The following DOP1B variants were observed in gnomAD, a reference collection of about 807,000 sequenced individuals.
The protein encoded by DOP1B is DOP1 leucine zipper like protein B.
In DOP1B, 174 loss-of-function variants were observed where a neutral mutation model predicts 233.5. That is an observed-to-expected ratio of 0.75 (90% CI 0.66 to 0.85). The LOEUF is 0.85. Ranked by LOEUF, DOP1B falls within the 40% of genes least tolerant of loss-of-function variation. The probability of loss-of-function intolerance (pLI) is 0.00; values close to 1 mark genes in which losing one functional copy is unlikely to be tolerated. For synonymous variants in DOP1B, 1,190 were observed against 1,185.6 expected (o/e 1.00, Z -0.08); for missense variants, 2,652 against 2,846.6 (o/e 0.93, Z 1.56).
chr21:36,281,728 C>A, intron 32 of DOP1B, 117 bp downstream of exon 32: 1 of 973,598 alleles, frequency 1.0e-6, no homozygotes, highest in Non-Finnish European at 1.4e-6. Flanking sequence ...AGTCCTATAT[C>A]CAGGGCTGGC....
intron 23 of DOP1B, among the ~76,000 whole-genome samples, chr21:36,259,012 G>A (rs542052428): frequency 1.9e-3 from 246 of 132,094 alleles, no homozygotes; most frequent in Middle Eastern, 0.01. Context: ...GTCTTGCTCT[G>A]TCGCCCAGGC....
At position 36,230,953 on chromosome 21, in the gene DOP1B, C is replaced by T. The variant is rs1397121734; in HGVS notation, c.2169C>T (p.Ala723=). Residue 723 remains alanine (A), a synonymous_variant, in exon 14 of 37, where the codon GCC becomes GCT. Coordinates refer to ENST00000691173, the MANE Select transcript of DOP1B (RefSeq NM_001320714.2). Reference sequence around the variant, plus strand: ...CATCGTCTTCGCCCAGCAGCCCTGCCAGGAAAAACGGGGGAGAATGGGATG... The same window carrying T: ...CATCGTCTTCGCCCAGCAGCCCTGCTAGGAAAAACGGGGGAGAATGGGATG... The part of the protein sequence containing the change: ...ESPSSSPSSP[A]RKNGGEWDVE... The T allele has an allele frequency of 1.2e-6, 2 of 1,614,028 alleles. No homozygotes were observed. Among genetic ancestry groups the T allele is most frequent in the African/African-American group, 2.7e-5 (2 of 74,914 alleles).
chr21:36,223,688 T>C (rs1461191290), intron 11 of DOP1B, among the ~76,000 whole-genome samples: 1 of 152,212 alleles, frequency 6.6e-6, no homozygotes, highest in Admixed American at 6.5e-5. Context: ...CAGCTTAGTT[T>C]TGTGGCTTTG....
At chr21:36,178,195 T>C (rs1021263152) in intron 2 of DOP1B, among the ~76,000 whole-genome samples, 1 of 152,134 alleles carries the variant, frequency 6.6e-6, no homozygotes, top group Non-Finnish European at 1.5e-5. Context: ...TGTGGCCTTA[T>C]AAGAATAGGA....
chr21:36,264,494 G>A (rs1470639792), intron 26 of DOP1B, among the ~76,000 whole-genome samples: 1 of 150,880 alleles, frequency 6.6e-6, no homozygotes, highest in Admixed American at 6.6e-5. Flanking sequence ...CAGGGGGTTG[G>A]ACAGAATCTC....
At chr21:36,264,753 G>T (rs936079540) in intron 26 of DOP1B, among the ~76,000 whole-genome samples, 4 of 152,006 alleles carry the variant, frequency 2.6e-5, no homozygotes, top group African/African-American at 9.7e-5. Flanking sequence ...GATTACAGAC[G>T]TGAGCTACCA....
intron 18 of DOP1B, 140 bp downstream of exon 18, chr21:36,240,095 G>A (rs766804807): frequency 3.3e-5 from 32 of 978,500 alleles, no homozygotes; most frequent in East Asian, 2.2e-4. Flanking sequence ...TGAGGACTTC[G>A]GCAATTTAAG....
chr21:36,283,010 C>T (rs1453646708), intron 32 of DOP1B, among the ~76,000 whole-genome samples: 1 of 149,428 alleles, frequency 6.7e-6, no homozygotes, highest in Admixed American at 6.7e-5. Flanking sequence ...CAACATCGTA[C>T]GTGATTGTCA....
At chr21:36,187,962 G>T (rs139538628) in intron 2 of DOP1B, among the ~76,000 whole-genome samples, 35 of 152,072 alleles carry the variant, frequency 2.3e-4, no homozygotes, top group Non-Finnish European at 3.4e-4. Context: ...CCAGCCTTCA[G>T]TTCTACTCCT....
chr21:36,183,346 G>A (rs2066123545), intron 2 of DOP1B, among the ~76,000 whole-genome samples: 1 of 152,188 alleles, frequency 6.6e-6, no homozygotes, highest in South Asian at 2.1e-4. Context: ...CACTGCTGTA[G>A]ACCTTTGGTT....
intron 1 of DOP1B, among the ~76,000 whole-genome samples, chr21:36,161,849 A>G (rs1404093215): frequency 6.6e-6 from 1 of 152,178 alleles, no homozygotes; most frequent in Non-Finnish European, 1.5e-5. Flanking sequence ...ATATCAATGG[A>G]ATCATACAAT....
intron 4 of DOP1B, among the ~76,000 whole-genome samples, chr21:36,206,529 C>CAAAA (rs71232580): frequency 1.6e-5 from 2 of 127,242 alleles, no homozygotes; most frequent in African/African-American, 2.9e-5. Context: ...CACCCTGCCT[C>CAAAA]AAAAAAAAAA....
Position 36,219,400 on chromosome 21 carries a change from C to T in DOP1B, c.1158C>T (p.Leu386=), listed in dbSNP as rs570945685. The T allele has an allele frequency of 3.1e-6, 5 of 1,614,140 alleles. No homozygotes were observed. Among genetic ancestry groups the T allele is most frequent in the South Asian group, 1.1e-5 (1 of 91,076 alleles). Residue 386 remains leucine (L), a synonymous_variant, in exon 10 of 37, where the codon CTC becomes CTT. Coordinates refer to ENST00000691173, the MANE Select transcript of DOP1B (RefSeq NM_001320714.2). The part of the protein sequence containing the change: ...IGPQVVGNLF[L]EVIRAFYSYC... ...CTCAAGTGGTTGGGAATTTGTTTCTCGAAGTCATCAGGGCCTTTTATTCTT... is the reference window on the plus strand; with the variant it reads ...CTCAAGTGGTTGGGAATTTGTTTCTTGAAGTCATCAGGGCCTTTTATTCTT...
intron 13 of DOP1B, among the ~76,000 whole-genome samples, chr21:36,228,087 C>G (rs1023796303): frequency 2.0e-5 from 3 of 152,052 alleles, no homozygotes; most frequent in African/African-American, 7.2e-5. Flanking sequence ...CCAACACTTT[C>G]GGAGACTGGG....
chr21:36,168,307 A>G (rs531297682), intron 2 of DOP1B, among the ~76,000 whole-genome samples: 1 of 152,128 alleles, frequency 6.6e-6, no homozygotes, highest in African/African-American at 2.4e-5. Context: ...GGCTATTGTG[A>G]ATAGTGTTGC....
chr21:36,293,234 TAG>T lies in DOP1B; in HGVS notation c.6646-85_6646-84del, dbSNP rs1601490425. On this transcript the variant is annotated intron_variant, in intron 36 of 36. Transcript: ENST00000691173. ...AAAAAAAAAAAAGGACCTTATTTCT[TAG>T]GTTTTGCCACATGCATGTGCTTCCC... The T allele has an allele frequency of 6.9e-6, 10 of 1,442,532 alleles. No homozygotes were observed. The East Asian group carries it at 2.3e-4, about 33-fold the overall frequency. The allele number at this position is 1,442,532 out of a possible 1,614,324, so 89.4% of individuals were successfully genotyped here.
At chr21:36,269,505 G>T (rs963819231) in intron 26 of DOP1B, among the ~76,000 whole-genome samples, 2 of 151,854 alleles carry the variant, frequency 1.3e-5, no homozygotes, top group African/African-American at 4.8e-5. Flanking sequence ...TGTATATATT[G>T]GGTTAAATAA....
At chr21:36,177,747 A>G (rs369763244) in intron 2 of DOP1B, among the ~76,000 whole-genome samples, 1 of 152,168 alleles carries the variant, frequency 6.6e-6, no homozygotes. Flanking sequence ...GTGATATCCC[A>G]CACCACTTCG....
chr21:36,171,030 G>T (rs886432851), intron 2 of DOP1B, among the ~76,000 whole-genome samples: 47 of 152,202 alleles, frequency 3.1e-4, no homozygotes, highest in African/African-American at 1.1e-3. Flanking sequence ...CTCACTGCGT[G>T]CTAAGGAGTT....
Sources: allele counts gnomAD v4.1 joint callset (sites outside exome capture counted in the v4.1 genomes callset), GRCh38; gene constraint gnomAD v4.1.1; transcripts MANE v1.5; gene names NCBI Gene and HGNC (gene_info 2026-07-23, HGNC 2026-07-21).